ECH1: variants seen among roughly 807,000 people sequenced by gnomAD.
ECH1 encodes delta(3,5)-Delta(2,4)-dienoyl-CoA isomerase, mitochondrial.
Under a neutral mutation model 37.0 loss-of-function variants are expected in ECH1, and 30 were observed. The observed-to-expected ratio is 0.81, with a 90% CI of 0.61 to 1.10. The LOEUF is 1.10. Among genes scored for constraint, ECH1 ranks in the 50% least tolerant of loss-of-function variants. The pLI is 0.00. For synonymous variants in ECH1, 178 were observed against 176.0 expected (o/e 1.01, Z -0.09); for missense variants, 456 against 441.6 (o/e 1.03, Z -0.29).
chr19:38,821,963 T>C (rs545924331), intron 3 of ECH1, among the ~76,000 whole-genome samples: 1 of 152,386 alleles, frequency 6.6e-6, no homozygotes, highest in African/African-American at 2.4e-5. Context: ...AACATTTATG[T>C]CTAGCTGAGG....
Position 38,815,521 on chromosome 19 carries a change from C to A in ECH1, c.*92G>T. The stretch of plus-strand genomic sequence containing the variant: ...TAAACTGGGAAACTGGGTCAGAAGG[C>A]ATAGAAACAACTGTCATCGCCCATC... On this transcript the variant is annotated 3_prime_UTR_variant, in exon 10 of 10. Coordinates refer to ENST00000221418, the MANE Select transcript of ECH1 (RefSeq NM_001398.3). The A allele has an allele frequency of 1.6e-6, 2 of 1,227,112 alleles. No homozygotes were observed. The highest frequency in any genetic ancestry group is 2.4e-6 in the Non-Finnish European group (2 of 841,868). 76.0% of individuals were successfully genotyped at this position (1,227,112 alleles called of 1,614,324 possible). A position where few individuals can be genotyped will look rare whatever the true frequency, so the allele number is the denominator to read the frequency against.
At position 38,817,340 on chromosome 19, in the gene ECH1, C is replaced by G. The variant is rs368810389; in HGVS notation, c.499G>C (p.Val167Leu). The change falls in exon 5 of 10, where the codon GTC (valine) becomes CTC (leucine). Residue 167 changes from valine to leucine, a missense_variant. Transcript: ENST00000221418. Reference sequence around the variant, plus strand: ...CCTCCGCCAATGCAGCCCCCATGGACGGCAGCAATCACGGGCTTGGGGCAC... The same window carrying G: ...CCTCCGCCAATGCAGCCCCCATGGAGGGCAGCAATCACGGGCTTGGGGCAC... The part of the protein sequence containing the change: ...ERCPKPVIAA[V>L]HGGCIGGGVD... The G allele has an allele frequency of 1.3e-6, 2 of 1,579,828 alleles. No individual in the cohort carries two copies. Among genetic ancestry groups the G allele is most frequent in the South Asian group, 2.3e-5 (2 of 86,936 alleles).
In ECH1 at chr19:38,815,740, A is replaced by G. The variant is rs754195436; in HGVS notation, c.883-23T>C. ...CGCCTGGTACCGAGGGTGTTGAGAG[A>G]GAACGAGGAGAGAGATTAGCAGGGG... On this transcript the variant is annotated intron_variant, in intron 9 of 9. Coordinates refer to ENST00000221418, the MANE Select transcript of ECH1 (RefSeq NM_001398.3). 3 of 1,614,074 alleles carry G rather than the reference A, an allele frequency of 1.9e-6. No individual in the cohort carries two copies. The African/African-American group carries it at 4.0e-5, about 22-fold the overall frequency.
chr19:38,830,954 CA>C (rs574213368), intron 3 of ECH1, 123 bp downstream of exon 3: 184,977 of 663,814 alleles, frequency 0.28, 1,183 homozygotes, highest in South Asian at 0.36. Flanking sequence ...GACCCCGTCT[CA>C]AAAAAAAAAA....
At chr19:38,821,238 G>A (rs995434745) in intron 3 of ECH1, among the ~76,000 whole-genome samples, 1 of 152,186 alleles carries the variant, frequency 6.6e-6, no homozygotes, top group Admixed American at 6.5e-5. Context: ...AGCTCAGGAG[G>A]TGGAGGCTGC....
Position 38,815,898 on chromosome 19 carries a change from ACAG to A in ECH1, c.838_840del (p.Leu280del). 1 of 1,614,200 alleles carries A rather than the reference ACAG, an allele frequency of 6.2e-7. No homozygotes were observed. The highest frequency in any genetic ancestry group is 8.5e-7 in the Non-Finnish European group (1 of 1,180,024). Reference sequence around the variant, plus strand: ...TCGGCCACCGAATGGTCGCGGGAATACAGCAGGTTGACCTTGGTGCTCTGCACC... The same window carrying A: ...TCGGCCACCGAATGGTCGCGGGAATACAGGTTGACCTTGGTGCTCTGCACC... On this transcript the variant is annotated inframe_deletion, in exon 9 of 10. Transcript: ENST00000221418.
chr19:38,825,945 C>T (rs1028493276), intron 3 of ECH1, among the ~76,000 whole-genome samples: 1 of 152,176 alleles, frequency 6.6e-6, no homozygotes, highest in African/African-American at 2.4e-5. Context: ...TCACTGAGCC[C>T]CGGGTACGTT....
intron 3 of ECH1, among the ~76,000 whole-genome samples, chr19:38,828,302 G>C (rs1446168209): frequency 6.6e-6 from 1 of 152,138 alleles, no homozygotes; most frequent in Non-Finnish European, 1.5e-5. Context: ...CGTGATGTAG[G>C]CTCACTGCAA....
intron 3 of ECH1, among the ~76,000 whole-genome samples, chr19:38,826,892 T>C (rs1449655811): frequency 2.6e-5 from 4 of 152,104 alleles, no homozygotes; most frequent in Non-Finnish European, 4.4e-5. Context: ...CAGGCTACTC[T>C]AGATCTCTTG....
At position 38,831,175 on chromosome 19, in the gene ECH1, C is replaced by T; in HGVS notation, c.261-9G>A. 1 of 1,614,134 alleles carries T rather than the reference C, an allele frequency of 6.2e-7. No individual in the cohort carries two copies. Among genetic ancestry groups the T allele is most frequent in the Non-Finnish European group, 8.5e-7 (1 of 1,180,006 alleles). On this transcript the variant is annotated splice_polypyrimidine_tract_variant and intron_variant, in intron 2 of 9. Transcript: ENST00000221418. The stretch of plus-strand genomic sequence containing the variant: ...AGCACTCTACCATCTCTCTGTGAAG[C>T]AACGAGTGAAGGGTTACAAATGGGG...
chr19:38,831,568 T>C, intron 1 of ECH1, 52 bp from the exon 2 acceptor site: 1 of 1,572,872 alleles, frequency 6.4e-7, no homozygotes, highest in Non-Finnish European at 8.7e-7. Context: ...GACACAGGCC[T>C]ATCGAATTAG....
chr19:38,821,909 T>C (rs1971669189), intron 3 of ECH1, among the ~76,000 whole-genome samples: 1 of 152,262 alleles, frequency 6.6e-6, no homozygotes, highest in South Asian at 2.1e-4. Context: ...CAGGATCCAC[T>C]GGGTGAAGCC....
At chr19:38,823,998 A>G (rs1430905448) in intron 3 of ECH1, among the ~76,000 whole-genome samples, 2 of 152,280 alleles carry the variant, frequency 1.3e-5, no homozygotes, top group Middle Eastern at 3.4e-3. Flanking sequence ...CTGGAATTTT[A>G]CGATCCCTCC....
At chr19:38,819,335 G>T in intron 3 of ECH1, 2 of 630,636 alleles carry the variant, frequency 3.2e-6, no homozygotes, top group Non-Finnish European at 4.0e-6. Context: ...ACTTCCTTCA[G>T]CTATAGCTCA....
rs1165345747 is a variant in ECH1 at position 38,831,304 on chromosome 19, C to T, written c.260+5G>A. On this transcript the variant is annotated splice_donor_5th_base_variant and intron_variant, in intron 2 of 9. Transcript: ENST00000221418. Reference sequence around the variant, plus strand: ...AGGCAGGCCTCCAGGATCTGCAGGTCAGACCTCCAGAAGACCTTGTTCATG... The same window carrying T: ...AGGCAGGCCTCCAGGATCTGCAGGTTAGACCTCCAGAAGACCTTGTTCATG... The T allele has an allele frequency of 6.2e-7, 1 of 1,608,826 alleles. No homozygotes were observed. Among genetic ancestry groups the T allele is most frequent in the African/African-American group, 1.3e-5 (1 of 74,966 alleles).
chr19:38,827,223 G>C (rs139313747), intron 3 of ECH1, among the ~76,000 whole-genome samples: 1 of 152,170 alleles, frequency 6.6e-6, no homozygotes, highest in Non-Finnish European at 1.5e-5. Flanking sequence ...CCACTGAGTT[G>C]GGAACGCCAT....
At position 38,816,309 on chromosome 19, in the gene ECH1, C is replaced by G. The variant is rs754368362; in HGVS notation, c.706G>C (p.Glu236Gln). The G allele has an allele frequency of 1.4e-5, 22 of 1,613,586 alleles. No individual in the cohort carries two copies. The Middle Eastern group carries it at 5.2e-4, about 38-fold the overall frequency. ...CTGACCAGCCCACTGCCCAGGGCCT[C>G]GTCAGCCATCATCTTGCGGGCGGTG... The part of the protein sequence containing the change: ...AFTARKMMAD[E>Q]ALGSGLVSRV... Residue 236 changes from glutamate to glutamine, a missense_variant, in exon 8 of 10, where the codon GAG becomes CAG. Glu to Gln is a conservative substitution (Grantham distance 29). Transcript: ENST00000221418.
At chr19:38,819,870 T>G (rs559710195) in intron 3 of ECH1, among the ~76,000 whole-genome samples, 1 of 152,004 alleles carries the variant, frequency 6.6e-6, no homozygotes, top group South Asian at 2.1e-4. Flanking sequence ...GCGGATCGTT[T>G]GAGCCCAGGA....
At chr19:38,827,156 G>T (rs1371206749) in intron 3 of ECH1, among the ~76,000 whole-genome samples, 1 of 151,360 alleles carries the variant, frequency 6.6e-6, no homozygotes, top group Non-Finnish European at 1.5e-5. Context: ...GAAAGAAAGG[G>T]ACCTGGGAAT....
Sources: gnomAD v4.1 joint callset for allele counts (sites outside exome capture counted in the v4.1 genomes callset) on GRCh38, gnomAD v4.1.1 for gene constraint, MANE v1.5 for transcripts, NCBI Gene and HGNC (gene_info 2026-07-23, HGNC 2026-07-21) for gene names.